OSBP2: variants seen among roughly 807,000 people sequenced by gnomAD.
OSBP2 encodes the protein oxysterol binding protein 2, also known as oxysterol-binding protein 2.
Under a neutral mutation model 96.0 loss-of-function variants are expected in OSBP2, and 66 were observed. The observed-to-expected ratio is 0.69, with a 90% confidence interval of 0.56 to 0.84. The LOEUF (loss-of-function observed/expected upper bound fraction) is 0.84. Among genes scored for constraint, OSBP2 ranks in the 40% least tolerant of loss-of-function variants. The pLI, the probability that OSBP2 is intolerant of heterozygous loss-of-function variation, is 0.00. For synonymous variants in OSBP2, 525 were observed against 520.9 expected (o/e 1.01, Z -0.11); for missense variants, 1,038 against 1,222.7 (o/e 0.85, Z 2.25).
upstream of OSBP2, chr22:30,693,987 G>T: frequency 1.6e-6 from 2 of 1,272,864 alleles, no homozygotes; most frequent in Non-Finnish European, 2.2e-6. Flanking sequence ...AAAAAAAAGC[G>T]GAAAAAAAAA....
chr22:30,893,267 T>TG (rs754354776), intron 9 of OSBP2, 25 bp downstream of exon 9: 4 of 1,613,882 alleles, frequency 2.5e-6, no homozygotes, highest in Non-Finnish European at 3.4e-6. Flanking sequence ...GGTGCCTTCC[T>TG]GGGACACAGA....
At chr22:30,832,066 C>T (rs554340469) in intron 2 of OSBP2, among the ~76,000 whole-genome samples, 124 of 152,244 alleles carry the variant, frequency 8.1e-4, no homozygotes, top group Middle Eastern at 3.4e-3. Context: ...GACCAGGAAG[C>T]ATCTCACTGT....
At chr22:30,698,397 C>T (rs2089090389) in intron 1 of OSBP2, among the ~76,000 whole-genome samples, 1 of 151,818 alleles carries the variant, frequency 6.6e-6, no homozygotes, top group Admixed American at 6.6e-5. Flanking sequence ...CTCTTGCTGG[C>T]TTCTCTTTTG....
intron 2 of OSBP2, among the ~76,000 whole-genome samples, chr22:30,747,335 G>T (rs2090016131): frequency 6.6e-6 from 1 of 152,068 alleles, no homozygotes; most frequent in South Asian, 2.1e-4. Flanking sequence ...TTTAAAATGG[G>T]CCAGACATGG....
intron 2 of OSBP2, among the ~76,000 whole-genome samples, chr22:30,837,640 A>G (rs975957855): frequency 6.6e-6 from 1 of 152,186 alleles, no homozygotes; most frequent in East Asian, 1.9e-4. Context: ...CTCCCTGAGC[A>G]TGTGTGGCTC....
At chr22:30,716,373 G>A (rs1459137645) in intron 1 of OSBP2, among the ~76,000 whole-genome samples, 1 of 152,006 alleles carries the variant, frequency 6.6e-6, no homozygotes, top group East Asian at 1.9e-4. Flanking sequence ...TTGATCGTTT[G>A]TATAACATCT....
intron 2 of OSBP2, chr22:30,764,498 T>C: frequency 1.6e-6 from 1 of 643,080 alleles, no homozygotes; most frequent in Non-Finnish European, 1.9e-6. Flanking sequence ...TAAACAGCTC[T>C]CGGGAACCCT....
chr22:30,708,382 C>T (rs145817591), intron 1 of OSBP2, among the ~76,000 whole-genome samples: 37 of 150,746 alleles, frequency 2.5e-4, no homozygotes, highest in African/African-American at 8.0e-4. Context: ...AGGCCAATCT[C>T]GTTTCATCTC....
At chr22:30,833,568 G>T (rs1004216231) in intron 2 of OSBP2, among the ~76,000 whole-genome samples, 1 of 152,154 alleles carries the variant, frequency 6.6e-6, no homozygotes, top group African/African-American at 2.4e-5. Context: ...AGACATTGAC[G>T]CAGAATTTGC....
chr22:30,815,937 C>T (rs1394228365), intron 2 of OSBP2, among the ~76,000 whole-genome samples: 1 of 152,162 alleles, frequency 6.6e-6, no homozygotes, highest in East Asian at 1.9e-4. Context: ...TTGCTTCTCT[C>T]GAATTATTTC....
At chr22:30,886,655 G>A (rs970651492) in intron 3 of OSBP2, among the ~76,000 whole-genome samples, 2 of 152,192 alleles carry the variant, frequency 1.3e-5, no homozygotes, top group Middle Eastern at 3.2e-3. Flanking sequence ...GACTCGTAAT[G>A]TTATGCCAGA....
At chr22:30,701,344 C>CTTT (rs1228654999) in intron 1 of OSBP2, among the ~76,000 whole-genome samples, 16 of 127,980 alleles carry the variant, frequency 1.3e-4, no homozygotes, top group Non-Finnish European at 1.5e-4. Context: ...TTTTTCTTTT[C>CTTT]TTTTTTTTTT....
intron 1 of OSBP2, among the ~76,000 whole-genome samples, chr22:30,704,860 A>G (rs914704586): frequency 2.6e-5 from 4 of 152,214 alleles, no homozygotes; most frequent in African/African-American, 9.6e-5. Context: ...GCTACCAGAC[A>G]CTAGCCAAAG....
chr22:30,824,979 T>C (rs1163674809), intron 2 of OSBP2, among the ~76,000 whole-genome samples: 1 of 152,166 alleles, frequency 6.6e-6, no homozygotes, highest in Non-Finnish European at 1.5e-5. Context: ...TGTGCCCGTC[T>C]GTGATTCTCA....
intron 12 of OSBP2, chr22:30,902,204 G>A (rs2040227939): frequency 1.7e-6 from 2 of 1,211,412 alleles, no homozygotes; most frequent in Non-Finnish European, 2.3e-6. Flanking sequence ...GCCAGAAGGA[G>A]TCGCTCACAG....
intron 1 of OSBP2, among the ~76,000 whole-genome samples, 189 bp from the exon 2 acceptor site, chr22:30,740,972 T>A (rs932118446): frequency 6.6e-6 from 1 of 152,132 alleles, no homozygotes. Context: ...AGAGCAGTCG[T>A]GGCCTTAGAG....
At chr22:30,887,321 T>C in intron 3 of OSBP2, 105 bp from the exon 4 acceptor site, 1 of 937,220 alleles carries the variant, frequency 1.1e-6, no homozygotes, top group Non-Finnish European at 1.6e-6. Context: ...CAGCCTCATC[T>C]TACCCAGCTC....
rs535180235 is a variant in OSBP2, at chr22:30,889,501, T to C, written c.1488T>C (p.Gly496=). The C allele has an allele frequency of 5.0e-6, 8 of 1,614,058 alleles. No homozygotes were observed. In the African/African-American group the frequency reaches 9.3e-5, roughly 19 times the overall value. The change falls in exon 7 of 14, where the codon GGT becomes GGC. Residue 496 remains glycine (G), a synonymous_variant. Coordinates refer to ENST00000332585, the MANE Select transcript of OSBP2 (RefSeq NM_030758.4). The part of the protein sequence containing the change: ...DWSSADNVLD[G]ASLVPKGSSK... ...CACTTATGTGGCAGGTACTAGATGG[T>C]GCCTCGCTCGTGCCCAAGGGTTCAT...
At chr22:30,877,248 T>C (rs1257848052) in intron 3 of OSBP2, among the ~76,000 whole-genome samples, 1 of 152,200 alleles carries the variant, frequency 6.6e-6, no homozygotes, top group Non-Finnish European at 1.5e-5. Context: ...GTGGGTAATT[T>C]TTTTTGACTC....
Sources: gnomAD v4.1 joint callset for allele counts (sites outside exome capture counted in the v4.1 genomes callset) on GRCh38, gnomAD v4.1.1 for gene constraint, MANE v1.5 for transcripts, NCBI Gene and HGNC (gene_info 2026-07-23, HGNC 2026-07-21) for gene names.